The following PPA2 variants were observed in gnomAD, a reference collection of about 807,000 sequenced individuals.
The protein encoded by PPA2 is inorganic pyrophosphatase 2, mitochondrial.
In PPA2, 48 loss-of-function variants were observed where a neutral mutation model predicts 49.5. That is an observed-to-expected ratio of 0.97 (90% CI 0.77 to 1.23). The LOEUF is 1.23. PPA2 is among the 50% of genes most tolerant of loss of function. PPA2 has a pLI of 0.00. For synonymous variants in PPA2, 131 were observed against 139.9 expected (o/e 0.94, Z 0.45); for missense variants, 429 against 410.1 (o/e 1.05, Z -0.40).
chr4:105,431,215 C>T (rs911319708), intron 6 of PPA2, among the ~76,000 whole-genome samples: 2 of 152,068 alleles, frequency 1.3e-5, no homozygotes, highest in Admixed American at 6.5e-5. Context: ...TTTGTGTACA[C>T]TTTAAATAGG....
rs75918911 is a variant in PPA2, at chr4:105,417,173, T to C, written c.655+7023A>G. Among the ~76,000 whole-genome samples the C allele has an allele frequency of 2.8e-3, 423 of 152,318 alleles. 2 individuals carry two copies. Among genetic ancestry groups the C allele is most frequent in the African/African-American group, 9.7e-3 (403 of 41,568 alleles). On this transcript the variant is annotated intron_variant, in intron 7 of 11. Transcript: ENST00000341695. ...AGGTCTCAGGTCAGACTGACCTCCA[T>C]TGAACTTCCAGCTTCATCACTTAAC...
At chr4:105,386,131 T>C (rs1429865926) in intron 10 of PPA2, among the ~76,000 whole-genome samples, 1 of 152,104 alleles carries the variant, frequency 6.6e-6, no homozygotes, top group East Asian at 1.9e-4. Flanking sequence ...TTCACTCACC[T>C]TGGCCTCCCA....
chr4:105,457,722 C>T (rs1375748269), intron 1 of PPA2, among the ~76,000 whole-genome samples: 1 of 152,108 alleles, frequency 6.6e-6, no homozygotes, highest in Non-Finnish European at 1.5e-5. Context: ...CACCACCACA[C>T]CCAGCTAAGT....
chr4:105,394,500 A>G (rs1734056413), intron 9 of PPA2, among the ~76,000 whole-genome samples: 1 of 152,082 alleles, frequency 6.6e-6, no homozygotes, highest in Admixed American at 6.6e-5. Flanking sequence ...CATGTGTAAA[A>G]TGGAGATAAC....
chr4:105,459,377 AT>A (rs1424678367), intron 1 of PPA2, among the ~76,000 whole-genome samples: 1 of 152,162 alleles, frequency 6.6e-6, no homozygotes. Flanking sequence ...AAAATTACCA[AT>A]TTTTTACATG....
chr4:105,387,014 TAACA>T (rs1733711776), intron 9 of PPA2, among the ~76,000 whole-genome samples: 1 of 152,144 alleles, frequency 6.6e-6, no homozygotes, highest in Non-Finnish European at 1.5e-5. Flanking sequence ...CTAAGTGAGG[TAACA>T]AACATTGTAA....
chr4:105,462,458 A>G (rs992068064), intron 1 of PPA2, among the ~76,000 whole-genome samples: 1 of 152,006 alleles, frequency 6.6e-6, no homozygotes, highest in Non-Finnish European at 1.5e-5. Flanking sequence ...GTCTAGTTCC[A>G]CTCCTGAGAG....
At chr4:105,445,913 A>C (rs1722360990) in intron 5 of PPA2, among the ~76,000 whole-genome samples, 1 of 147,908 alleles carries the variant, frequency 6.8e-6, no homozygotes, top group African/African-American at 2.7e-5. Flanking sequence ...TTATTAACTC[A>C]TAACAGTAAA....
intron 10 of PPA2, among the ~76,000 whole-genome samples, chr4:105,372,070 C>T (rs770177149): frequency 2.0e-5 from 3 of 152,154 alleles, no homozygotes; most frequent in African/African-American, 4.8e-5. Context: ...GAGTCAGGAG[C>T]GTGGACCTGG....
chr4:105,372,923 GAACA>G (rs1396767276), intron 10 of PPA2, among the ~76,000 whole-genome samples: 2 of 152,132 alleles, frequency 1.3e-5, no homozygotes, highest in Non-Finnish European at 2.9e-5. Flanking sequence ...GAAAAAAGCT[GAACA>G]AACAGACTTT....
chr4:105,440,933 C>T (rs1232387486), intron 5 of PPA2, among the ~76,000 whole-genome samples: 1 of 152,200 alleles, frequency 6.6e-6, no homozygotes, highest in African/African-American at 2.4e-5. Context: ...AAATACCAGA[C>T]TGGTTCTCTT....
chr4:105,391,109 C>A (rs906304775), intron 9 of PPA2, among the ~76,000 whole-genome samples: 6 of 152,104 alleles, frequency 3.9e-5, no homozygotes, highest in African/African-American at 1.2e-4. Context: ...ACCACATGTT[C>A]TCACTTACAA....
intron 9 of PPA2, among the ~76,000 whole-genome samples, chr4:105,390,231 C>T (rs1239888573): frequency 6.6e-6 from 1 of 152,106 alleles, no homozygotes; most frequent in African/African-American, 2.4e-5. Flanking sequence ...CTAGACAATA[C>T]CATTCAGGAC....
intron 1 of PPA2, among the ~76,000 whole-genome samples, chr4:105,460,570 C>T (rs564363897): frequency 6.6e-6 from 1 of 152,040 alleles, no homozygotes; most frequent in Non-Finnish European, 1.5e-5. Flanking sequence ...AGGTAGAATT[C>T]TGAAAAGAAA....
intron 1 of PPA2, 88 bp downstream of exon 1, chr4:105,473,806 C>A (rs1346258124): frequency 1.3e-6 from 2 of 1,526,258 alleles, no homozygotes; most frequent in South Asian, 1.2e-5. Context: ...GAAGGGAGAC[C>A]GCGCGGGGCG....
intron 1 of PPA2, among the ~76,000 whole-genome samples, chr4:105,458,253 C>T (rs1286194048): frequency 6.6e-6 from 1 of 152,044 alleles, no homozygotes; most frequent in African/African-American, 2.4e-5. Flanking sequence ...GAACTAGATC[C>T]TGGAACAGAA....
rs1401998483 is a variant in PPA2 at position 105,396,302 on chromosome 4, A to G, written c.816T>C (p.His272=). Residue 272 remains histidine, a synonymous_variant, in exon 9 of 12, where the codon CAT becomes CAC. Transcript: ENST00000341695. ...AFALEVIKST[H]QCWKALLMKK... ...TCATAAGCAATGCTTTCCAACATTG[A>G]TGAGTGGATTTAATAACTTCAAGAG... The G allele has an allele frequency of 1.3e-6, 2 of 1,599,000 alleles. No homozygotes were observed. Among genetic ancestry groups the G allele is most frequent in the South Asian group, 1.1e-5 (1 of 87,540 alleles).
At chr4:105,455,566 GA>G (rs1442687393) in intron 2 of PPA2, among the ~76,000 whole-genome samples, 8 of 152,196 alleles carry the variant, frequency 5.3e-5, no homozygotes, top group African/African-American at 1.9e-4. Context: ...TGTAAAGCCA[GA>G]AGGATTGAGA....
At chr4:105,456,329 A>T in intron 2 of PPA2, 1 of 449,212 alleles carries the variant, frequency 2.2e-6, no homozygotes, top group Non-Finnish European at 4.4e-6. Context: ...CAATTAAATA[A>T]CATCATGTTC....
Sources: gnomAD v4.1 joint callset for allele counts (sites outside exome capture counted in the v4.1 genomes callset) on GRCh38, gnomAD v4.1.1 for gene constraint, MANE v1.5 for transcripts, NCBI Gene and HGNC (gene_info 2026-07-23, HGNC 2026-07-21) for gene names.